The following RIMBP2 variants were observed in gnomAD, a reference collection of about 807,000 sequenced individuals.
RIMBP2 encodes the protein RIMS binding protein 2.
RIMBP2 carries 48 observed loss-of-function variants against 118.6 expected under a neutral mutation model. The observed-to-expected ratio is 0.40, with a 90% confidence interval of 0.32 to 0.51. The LOEUF is 0.51. RIMBP2 is among the 20% of genes least tolerant of loss of function. The pLI, the probability that RIMBP2 is intolerant of heterozygous loss-of-function variation, is 0.41. For missense variants in RIMBP2, 1,551 were observed against 1,768.3 expected (o/e 0.88, Z 2.20); for synonymous variants, 762 against 742.9 (o/e 1.03, Z -0.42).
At chr12:130,522,174 C>T (rs1254479827) in intron 2 of RIMBP2, among the ~76,000 whole-genome samples, 1 of 152,224 alleles carries the variant, frequency 6.6e-6, no homozygotes, top group African/African-American at 2.4e-5. Flanking sequence ...TCCACTAACA[C>T]ATTAAACAGG....
chr12:130,497,263 G>C (rs2049273473), intron 4 of RIMBP2, among the ~76,000 whole-genome samples: 2 of 152,166 alleles, frequency 1.3e-5, no homozygotes, highest in African/African-American at 4.8e-5. Context: ...ACTGTGGGGA[G>C]GCTGATTGAA....
chr12:130,628,161 A>C (rs10773803), intron 2 of RIMBP2, among the ~76,000 whole-genome samples, 161 bp downstream of exon 2: 135,900 of 152,160 alleles, frequency 0.89, 61,043 homozygotes, highest in Non-Finnish European at 0.94. Context: ...AGGGTAAGGA[A>C]CACATCTGCT....
chr12:130,594,314 C>G (rs1183570969), intron 2 of RIMBP2, among the ~76,000 whole-genome samples: 1 of 152,202 alleles, frequency 6.6e-6, no homozygotes, highest in African/African-American at 2.4e-5. Flanking sequence ...AAATGTGGGT[C>G]ACAATTCATG....
intron 1 of RIMBP2, among the ~76,000 whole-genome samples, chr12:130,644,151 C>T (rs1279088422): frequency 1.3e-5 from 2 of 152,328 alleles, no homozygotes; most frequent in South Asian, 4.1e-4. Flanking sequence ...ATTCAGGGGC[C>T]TGTAGCCTCT....
chr12:130,609,734 G>A (rs79507377), intron 2 of RIMBP2, among the ~76,000 whole-genome samples: 316 of 152,258 alleles, frequency 2.1e-3, no homozygotes, highest in African/African-American at 7.1e-3. Flanking sequence ...AGAAGCCAAC[G>A]GTATCGCTCC....
Position 130,451,197 on chromosome 12 carries a change from C to T in RIMBP2, c.502G>A (p.Asp168Asn). The change falls in exon 8 of 23, where the codon GAC becomes AAC. Residue 168 changes from aspartate (D) to asparagine (N), a missense_variant and splice_region_variant. Physicochemically the swap from Asp to Asn is conservative, Grantham distance 23 (BLOSUM62 1). Around this residue, in one of 5 missense-constraint regions of RIMBP2, gnomAD observed 239 missense variants for 256.8 expected, o/e 0.93. Transcript: ENST00000690449. ...SGSARCRSES[D>N]MENERNSNTS... is the part of the protein sequence containing the mutation. The stretch of plus-strand genomic sequence containing the variant: ...AGCCCCTGCGGGACGGGACTCACGT[C>T]TGACTCAGATCTGCATCTTGCGCTA... 6.2e-7 allele frequency: 1 copy of T among 1,613,740 alleles called. No individual in the cohort carries two copies. The highest frequency in any genetic ancestry group is 8.5e-7 in the Non-Finnish European group (1 of 1,179,840).
chr12:130,564,071 C>CA (rs2139943147), intron 2 of RIMBP2, among the ~76,000 whole-genome samples: 1 of 109,348 alleles, frequency 9.1e-6, no homozygotes, highest in East Asian at 3.0e-4. Flanking sequence ...TCCCCTCTTC[C>CA]TCTTCTCCCA....
At chr12:130,493,086 T>C (rs1436817075) in intron 4 of RIMBP2, among the ~76,000 whole-genome samples, 2 of 152,064 alleles carry the variant, frequency 1.3e-5, no homozygotes, top group Non-Finnish European at 2.9e-5. Flanking sequence ...GCAGTGAGCC[T>C]AGATAACGCA....
chr12:130,446,971 C>T lies in RIMBP2; in HGVS notation c.582-1702G>A, dbSNP rs2137268517. Among the ~76,000 whole-genome samples, 1 of 143,594 alleles carries T rather than the reference C, an allele frequency of 7.0e-6. No homozygotes were observed. The highest frequency in any genetic ancestry group is 1.5e-5 in the Non-Finnish European group (1 of 66,808). The allele number at this position is 143,594 out of a possible 152,430, so 94.2% of individuals were successfully genotyped here. A position where few individuals can be genotyped will look rare whatever the true frequency, so the allele number is the denominator to read the frequency against. On this transcript the variant is annotated intron_variant, in intron 9 of 22. Transcript: ENST00000690449. This position sits in a 1 kb window ranked among gnomAD's most constrained non-coding sequence, Gnocchi z 4.1. The stretch of plus-strand genomic sequence containing the variant: ...CTCGGCTTTCTGGCCTCAGGGTGAG[C>T]AGGCGGGGACACAAGTCACTGAGTG...
chr12:130,595,812 C>G (rs560848369), intron 2 of RIMBP2, among the ~76,000 whole-genome samples: 8 of 152,302 alleles, frequency 5.3e-5, no homozygotes, highest in African/African-American at 1.9e-4. Flanking sequence ...CAGCATGATG[C>G]CTTCAGCCAG....
At chr12:130,468,871 C>T (rs537575924) in intron 6 of RIMBP2, 1 of 152,338 alleles carries the variant, frequency 6.6e-6, no homozygotes, top group South Asian at 2.1e-4. Flanking sequence ...CTTGGCAGGA[C>T]GGGAAGAGCC....
At chr12:130,682,762 A>G (rs1460439872) in intron 1 of RIMBP2, among the ~76,000 whole-genome samples, 1 of 152,236 alleles carries the variant, frequency 6.6e-6, no homozygotes, top group Non-Finnish European at 1.5e-5. Flanking sequence ...TCTGCTTCCC[A>G]GACTTCTGCT....
At chr12:130,462,296 C>T (rs2080065959) in intron 6 of RIMBP2, among the ~76,000 whole-genome samples, 1 of 152,184 alleles carries the variant, frequency 6.6e-6, no homozygotes, top group Non-Finnish European at 1.5e-5. Context: ...TGAACACGCA[C>T]TTACAGACAA....
rs1055104163 is a variant in RIMBP2 at position 130,527,027 on chromosome 12, G to A, written c.-216-9110C>T. Among the ~76,000 whole-genome samples, 7 of 152,172 alleles carry A rather than the reference G, an allele frequency of 4.6e-5. No homozygotes were observed. The East Asian group carries it at 1.4e-3, about 29-fold the overall frequency. ...GTTGCTGCTGTCCAGGGTCCTGATGGTCACTGAGCCCTACTCCCGCCCGCC... is the reference window on the plus strand; with the variant it reads ...GTTGCTGCTGTCCAGGGTCCTGATGATCACTGAGCCCTACTCCCGCCCGCC... On this transcript the variant is annotated intron_variant, in intron 2 of 22. Transcript: ENST00000690449.
intron 1 of RIMBP2, among the ~76,000 whole-genome samples, chr12:130,657,080 T>C (rs1339457736): frequency 6.6e-6 from 1 of 152,220 alleles, no homozygotes; most frequent in Non-Finnish European, 1.5e-5. Flanking sequence ...TTTTTATTTC[T>C]AGAGATAGGG....
intron 2 of RIMBP2, among the ~76,000 whole-genome samples, chr12:130,601,066 C>G (rs1017868823): frequency 6.6e-6 from 1 of 152,144 alleles, no homozygotes; most frequent in African/African-American, 2.4e-5. Flanking sequence ...TGCAAGTCCA[C>G]GCTCAACTCA....
chr12:130,572,353 A>ACCCC (rs890697638), intron 2 of RIMBP2, among the ~76,000 whole-genome samples: 1 of 151,626 alleles, frequency 6.6e-6, no homozygotes, highest in Non-Finnish European at 1.5e-5. Context: ...ACATGGAATC[A>ACCCC]CCCCCGCAAC....
At chr12:130,685,553 C>A (rs1195745203) in intron 1 of RIMBP2, among the ~76,000 whole-genome samples, 1 of 152,114 alleles carries the variant, frequency 6.6e-6, no homozygotes, top group Non-Finnish European at 1.5e-5. Flanking sequence ...GACTGAGTGG[C>A]CCGGCAGCCA....
At chr12:130,495,684 T>C (rs1037929234) in intron 4 of RIMBP2, among the ~76,000 whole-genome samples, 4 of 152,214 alleles carry the variant, frequency 2.6e-5, no homozygotes, top group African/African-American at 7.2e-5. Context: ...TTCTAGTAGA[T>C]TCCTTTGAGG....
Sources: gnomAD v4.1 joint callset for allele counts (sites outside exome capture counted in the v4.1 genomes callset) on GRCh38, gnomAD v4.1.1 for gene constraint, gnomAD v4.1.1 regional missense constraint, Gnocchi (gnomAD v3.1) non-coding constraint, MANE v1.5 for transcripts, NCBI Gene and HGNC (gene_info 2026-07-23, HGNC 2026-07-21) for gene names.